The following INVS variants were observed in gnomAD, a reference collection of about 807,000 sequenced individuals.
INVS encodes inversin, also known as inversion of embryo turning homolog.
A neutral mutation model predicts 108.8 loss-of-function variants in INVS; 86 were observed. That is an observed-to-expected ratio of 0.79 (90% CI 0.66 to 0.95). The LOEUF (loss-of-function observed/expected upper bound fraction) is 0.95, where lower values mean the gene tolerates loss of function less well. Among genes scored for constraint, INVS ranks in the 40% least tolerant of loss-of-function variants. The pLI is 0.00. For missense variants in INVS, 1,169 were observed against 1,297.4 expected (o/e 0.90, Z 1.52); for synonymous variants, 455 against 473.5 (o/e 0.96, Z 0.51).
chr9:100,161,379 A>ACAAAAAAAAAAC (rs1199529214), intron 3 of INVS, among the ~76,000 whole-genome samples: 3 of 144,560 alleles, frequency 2.1e-5, no homozygotes, highest in African/African-American at 5.4e-5. Flanking sequence ...AAAAAAAAAA[A>ACAAAAAAAAAAC]AAAAAAAAAA....
At chr9:100,131,795 G>A in intron 3 of INVS, 1 of 390,340 alleles carries the variant, frequency 2.6e-6, no homozygotes, top group Non-Finnish European at 3.5e-6. Flanking sequence ...CCTTCTGGTT[G>A]TGGCTGCATT....
intron 14 of INVS, among the ~76,000 whole-genome samples, chr9:100,294,373 G>A (rs1160404414): frequency 6.6e-6 from 1 of 152,180 alleles, no homozygotes; most frequent in East Asian, 1.9e-4. Context: ...AGAGGCCTCC[G>A]TTCATATCAT....
In INVS at chr9:100,301,223, T is replaced by G. The variant is rs1172398711; in HGVS notation, c.*549T>G. Among the ~76,000 whole-genome samples the G allele has an allele frequency of 6.6e-6, 1 of 151,788 alleles. No individual in the cohort carries two copies. Among genetic ancestry groups the G allele is most frequent in the Non-Finnish European group, 1.5e-5 (1 of 67,964 alleles). Reference sequence around the variant, plus strand: ...CTTCAAAATTAATCAGGTTTAAATTTTAGATCAGAATCATTGCCCACTGTT... The same window carrying G: ...CTTCAAAATTAATCAGGTTTAAATTGTAGATCAGAATCATTGCCCACTGTT... On this transcript the variant is annotated 3_prime_UTR_variant, in exon 17 of 17. Transcript: ENST00000262457.
chr9:100,239,873 G>A (rs1831810478), intron 5 of INVS, among the ~76,000 whole-genome samples, 187 bp from the exon 6 acceptor site: 1 of 152,190 alleles, frequency 6.6e-6, no homozygotes, highest in South Asian at 2.1e-4. Context: ...TTGGGAAGCT[G>A]AGGCAGGATT....
chr9:100,165,103 T>C (rs1829319717), intron 3 of INVS, among the ~76,000 whole-genome samples: 1 of 152,030 alleles, frequency 6.6e-6, no homozygotes, highest in African/African-American at 2.4e-5. Flanking sequence ...TTTTCTTTTT[T>C]AAATTTCTCA....
intron 7 of INVS, among the ~76,000 whole-genome samples, chr9:100,245,569 T>A (rs1362812254): frequency 1.3e-5 from 2 of 152,140 alleles, no homozygotes. Context: ...CGTGAGCCAC[T>A]GCGCCCGGCC....
At chr9:100,136,220 C>T (rs1463021471) in intron 3 of INVS, among the ~76,000 whole-genome samples, 1 of 152,044 alleles carries the variant, frequency 6.6e-6, no homozygotes, top group Non-Finnish European at 1.5e-5. Flanking sequence ...GATATGGAGA[C>T]AGTACGAGTG....
chr9:100,245,450 T>A (rs1366878793), intron 7 of INVS, among the ~76,000 whole-genome samples: 1 of 152,076 alleles, frequency 6.6e-6, no homozygotes, highest in Non-Finnish European at 1.5e-5. Context: ...TGGCTAATTT[T>A]TTTTATATTT....
At chr9:100,261,677 T>C (rs775491866) in intron 10 of INVS, among the ~76,000 whole-genome samples, 2 of 152,246 alleles carry the variant, frequency 1.3e-5, no homozygotes, top group Non-Finnish European at 2.9e-5. Context: ...GCTATGTGTA[T>C]TGCTTTGGAT....
rs1057321217 is a variant in INVS, at chr9:100,156,259, T to C, written c.273+29710T>C. On this transcript the variant is annotated intron_variant, in intron 3 of 16. Transcript: ENST00000262457. Reference sequence around the variant, plus strand: ...TAAAACTCCATGAGTTAGGAATACTTTTTTTTTTTTTTTTTTTTTGAGACA... The same window carrying C: ...TAAAACTCCATGAGTTAGGAATACTCTTTTTTTTTTTTTTTTTTTGAGACA... Among the ~76,000 whole-genome samples the C allele has an allele frequency of 1.4e-4, 20 of 141,360 alleles. No homozygotes were observed. The South Asian group carries it at 1.6e-3, about 11-fold the overall frequency. The allele number at this position is 141,360 out of a possible 152,430, so 92.7% of individuals were successfully genotyped here.
chr9:100,140,889 G>C (rs1301822684), intron 3 of INVS, among the ~76,000 whole-genome samples: 1 of 152,060 alleles, frequency 6.6e-6, no homozygotes, highest in Non-Finnish European at 1.5e-5. Context: ...AAGAGAAGGA[G>C]AAAAACAGGT....
At chr9:100,291,831 T>A (rs1833624615) in intron 13 of INVS, among the ~76,000 whole-genome samples, 1 of 152,224 alleles carries the variant, frequency 6.6e-6, no homozygotes, top group Admixed American at 6.5e-5. Flanking sequence ...ATCTGGATTA[T>A]TTCCAAAAGG....
chr9:100,194,448 T>C (rs1830314486), intron 3 of INVS, among the ~76,000 whole-genome samples: 1 of 152,174 alleles, frequency 6.6e-6, no homozygotes, highest in Admixed American at 6.5e-5. Flanking sequence ...AGTCGTTTCA[T>C]AGATTTTTTA....
intron 3 of INVS, among the ~76,000 whole-genome samples, chr9:100,138,531 A>G (rs998643518): frequency 1.3e-5 from 2 of 152,044 alleles, no homozygotes; most frequent in African/African-American, 4.8e-5. Context: ...TCAACCATTA[A>G]TGTTTCTGTA....
chr9:100,148,639 G>A (rs1418111701), intron 3 of INVS, among the ~76,000 whole-genome samples: 4 of 152,234 alleles, frequency 2.6e-5, no homozygotes, highest in African/African-American at 9.6e-5. Context: ...AGAAGAGGCA[G>A]TAGAAGAATT....
chr9:100,252,952 T>C lies in INVS; in HGVS notation c.1280T>C (p.Leu427Pro). ...DLVDQDGHSL[L>P]HWAALGGNAD... is the part of the protein sequence containing the mutation. The stretch of plus-strand genomic sequence containing the variant: ...GTTGACCAAGATGGACATTCTCTTC[T>C]ACATTGGGCAGCACTGGGAGGAAAT... Residue 427 changes from leucine to proline, a missense_variant, in exon 10 of 17, where the codon CTA becomes CCA. Leu to Pro is a moderately conservative substitution (Grantham distance 98). This residue lies in a region of INVS where 271 missense variants were observed against 363.8 expected (regional missense o/e 0.74). Transcript: ENST00000262457. The C allele has an allele frequency of 6.2e-7, 1 of 1,613,994 alleles. No individual in the cohort carries two copies. The highest frequency in any genetic ancestry group is 8.5e-7 in the Non-Finnish European group (1 of 1,179,890).
intron 2 of INVS, among the ~76,000 whole-genome samples, chr9:100,111,233 C>G (rs181114548): frequency 6.6e-6 from 1 of 152,204 alleles, no homozygotes; most frequent in African/African-American, 2.4e-5. Context: ...ATAGAGACTA[C>G]TCTTGTTACT....
At position 100,132,403 on chromosome 9, in the gene INVS, G is replaced by T. The variant is rs75131528; in HGVS notation, c.273+5854G>T. Among the ~76,000 whole-genome samples the T allele has an allele frequency of 4.7e-3, 713 of 152,184 alleles. 7 individuals are homozygous for T. Among genetic ancestry groups the T allele is most frequent in the African/African-American group, 0.016 (675 of 41,520 alleles). ...CAATTTTGCAATCAGGATTTTTTAA[G>T]ATTTTCTGTGAGCTTAATTTCTTAA... is the stretch of plus-strand genomic sequence containing the variant. On this transcript the variant is annotated intron_variant, in intron 3 of 16. Coordinates refer to ENST00000262457, the MANE Select transcript of INVS (RefSeq NM_014425.5).
chr9:100,166,026 C>G (rs746780840), intron 3 of INVS, among the ~76,000 whole-genome samples: 1 of 151,962 alleles, frequency 6.6e-6, no homozygotes, highest in Non-Finnish European at 1.5e-5. Flanking sequence ...TTCATCACTT[C>G]CTATTCTAAT....
Sources: gnomAD v4.1 joint callset for allele counts (sites outside exome capture counted in the v4.1 genomes callset) on GRCh38, gnomAD v4.1.1 for gene constraint, gnomAD v4.1.1 regional missense constraint, MANE v1.5 for transcripts, NCBI Gene and HGNC (gene_info 2026-07-23, HGNC 2026-07-21) for gene names.